OSBPL2: variants seen among roughly 807,000 people sequenced by gnomAD.
OSBPL2 encodes the protein oxysterol-binding protein-related protein 2.
In OSBPL2, 18 loss-of-function variants were observed where a neutral mutation model predicts 58.4. The observed-to-expected ratio is 0.31, with a 90% confidence interval of 0.21 to 0.46. The LOEUF is 0.46. Among genes scored for constraint, OSBPL2 ranks in the 20% least tolerant of loss-of-function variants. The pLI is 1.00. For missense variants in OSBPL2, 461 were observed against 616.5 expected (o/e 0.75, Z 2.67); for synonymous variants, 221 against 234.1 (o/e 0.94, Z 0.51).
chr20:62,248,121 CTCTTT>C (rs1568825234), intron 1 of OSBPL2, among the ~76,000 whole-genome samples: 1 of 149,668 alleles, frequency 6.7e-6, no homozygotes, highest in African/African-American at 2.5e-5. Flanking sequence ...TATATTTTCT[CTCTTT>C]TCTTTTTTTT....
Position 62,288,522 on chromosome 20 carries a change from G to A in OSBPL2, c.1126-685G>A, listed in dbSNP as rs1382637193. Among the ~76,000 whole-genome samples the A allele has an allele frequency of 1.3e-5, 2 of 148,642 alleles. No homozygotes were observed. The highest frequency in any genetic ancestry group is 6.7e-5 in the Admixed American group (1 of 14,978). ...GCTGTGGGTGCAGAGGCCGGAGGCT[G>A]TGGGTGCAGAGGCTGGGAGGCTGTG... On this transcript the variant is annotated intron_variant, in intron 11 of 13. Transcript: ENST00000313733. This position sits in a 1 kb window ranked among gnomAD's most constrained non-coding sequence, Gnocchi z 4.8.
intron 1 of OSBPL2, among the ~76,000 whole-genome samples, chr20:62,245,894 G>A (rs1980070970): frequency 1.3e-5 from 2 of 152,230 alleles, no homozygotes; most frequent in Admixed American, 6.5e-5. Context: ...GAATATTAAG[G>A]CTTGATTTTT....
At chr20:62,244,475 C>T (rs985626210) in intron 1 of OSBPL2, among the ~76,000 whole-genome samples, 1 of 152,216 alleles carries the variant, frequency 6.6e-6, no homozygotes, top group Non-Finnish European at 1.5e-5. Flanking sequence ...GTGGGGCATG[C>T]GCCCTGTCCA....
intron 6 of OSBPL2, among the ~76,000 whole-genome samples, chr20:62,278,001 C>T (rs1325963734): frequency 6.6e-6 from 1 of 152,154 alleles, no homozygotes; most frequent in East Asian, 1.9e-4. Flanking sequence ...CAATGGGAGT[C>T]CCTCGGGGTT....
intron 4 of OSBPL2, among the ~76,000 whole-genome samples, chr20:62,265,549 G>A (rs984339997): frequency 3.9e-5 from 6 of 152,280 alleles, no homozygotes; most frequent in African/African-American, 1.2e-4. Context: ...TCCAGTGCTG[G>A]GTGAGCTCAT....
At chr20:62,263,123 C>G (rs148955239) in intron 3 of OSBPL2, among the ~76,000 whole-genome samples, 1 of 152,336 alleles carries the variant, frequency 6.6e-6, no homozygotes, top group African/African-American at 2.4e-5. Context: ...AGGGCATGGG[C>G]TCCGCCTTGC....
intron 4 of OSBPL2, among the ~76,000 whole-genome samples, chr20:62,270,346 CCTGGCCTCT>C (rs1981977941): frequency 1.5e-5 from 2 of 137,336 alleles, no homozygotes; most frequent in African/African-American, 5.4e-5. Context: ...CCTTGTCCCT[CCTGGCCTCT>C]CTGGGTCCTC....
Position 62,269,354 on chromosome 20 carries a change from G to A in OSBPL2, c.259-2771G>A, listed in dbSNP as rs1013809142. Among the ~76,000 whole-genome samples the A allele has an allele frequency of 2.0e-5, 3 of 152,192 alleles. No individual in the cohort carries two copies. The highest frequency in any genetic ancestry group is 4.4e-5 in the Non-Finnish European group (3 of 68,032). On this transcript the variant is annotated intron_variant, in intron 4 of 13. Transcript: ENST00000313733. The surrounding 1 kb of genome is among the most constrained non-coding windows in gnomAD (Gnocchi z 4.2). ...AAGAGCCCTGCATGTGTGTTTGGCC[G>A]AGGCTCTGTGGGATAGGTTCCTAGA...
intron 1 of OSBPL2, among the ~76,000 whole-genome samples, chr20:62,239,621 C>T (rs771572582): frequency 4.6e-5 from 7 of 152,340 alleles, no homozygotes; most frequent in Middle Eastern, 3.4e-3. Context: ...TCTCGAATGC[C>T]TGCTGTGGGC....
chr20:62,291,593 G>A (rs1036614046), intron 12 of OSBPL2, 110 bp from the exon 13 acceptor site: 2 of 910,922 alleles, frequency 2.2e-6, no homozygotes, highest in African/African-American at 3.2e-5. Context: ...TGTTGTCTGT[G>A]GCATTCCAGC....
intron 6 of OSBPL2, among the ~76,000 whole-genome samples, chr20:62,274,539 G>A (rs1982263766): frequency 6.6e-6 from 1 of 152,254 alleles, no homozygotes; most frequent in Non-Finnish European, 1.5e-5. Flanking sequence ...CTAAGCTGTG[G>A]TTCTGAAGGA....
In OSBPL2 at chr20:62,282,698, A is replaced by T. The variant is rs150392993; in HGVS notation, c.872+819A>T. 7.7e-3 allele frequency among the ~76,000 whole-genome samples: 1,177 copies of T among 152,256 alleles called. 22 individuals are homozygous for T. The highest frequency in any genetic ancestry group is 0.026 in the African/African-American group (1,078 of 41,536). ...GAAAATTAGCCAGGTGTGATGGCGC[A>T]CATCTGTAATCCCAGCTACTCAGGA... is the stretch of plus-strand genomic sequence containing the variant. On this transcript the variant is annotated intron_variant, in intron 9 of 13. Coordinates refer to ENST00000313733, the MANE Select transcript of OSBPL2 (RefSeq NM_144498.4).
At chr20:62,292,360 C>T (rs1983576709) in intron 13 of OSBPL2, among the ~76,000 whole-genome samples, 1 of 152,246 alleles carries the variant, frequency 6.6e-6, no homozygotes, top group Non-Finnish European at 1.5e-5. Flanking sequence ...GGCTGATCTT[C>T]ACCCCATGAC....
intron 1 of OSBPL2, among the ~76,000 whole-genome samples, chr20:62,255,785 G>A (rs1053181674): frequency 1.3e-5 from 2 of 152,220 alleles, no homozygotes; most frequent in South Asian, 2.1e-4. Flanking sequence ...GATTACAGGC[G>A]TGAGCCACCA....
Position 62,281,886 on chromosome 20 carries a change from C to G in OSBPL2, c.872+7C>G. On this transcript the variant is annotated splice_region_variant and intron_variant, in intron 9 of 13. Transcript: ENST00000313733. The stretch of plus-strand genomic sequence containing the variant: ...GACACATTCAAGACAAAAAGTAGGT[C>G]CTTGCCAAGTGTTCATGGGGCACCA... 2 of 1,596,164 alleles carry G rather than the reference C, an allele frequency of 1.3e-6. No homozygotes were observed. The highest frequency in any genetic ancestry group is 1.7e-6 in the Non-Finnish European group (2 of 1,163,984).
Position 62,294,178 on chromosome 20 carries a change from T to C in OSBPL2, c.*291T>C. ...TTATGTGGCAGAAATCAGCTGGGGC[T>C]TGTTTAGCTTCCAGCACACTCTCAG... is the stretch of plus-strand genomic sequence containing the variant. On this transcript the variant is annotated 3_prime_UTR_variant, in exon 14 of 14. Transcript: ENST00000313733. The C allele has an allele frequency of 2.1e-6, 1 of 477,248 alleles. No homozygotes were observed. Among genetic ancestry groups the C allele is most frequent in the Non-Finnish European group, 3.7e-6 (1 of 270,622 alleles). 29.6% of individuals were successfully genotyped at this position (477,248 alleles called of 1,614,324 possible). A position where few individuals can be genotyped will look rare whatever the true frequency, so the allele number is the denominator to read the frequency against.
At chr20:62,245,948 G>A (rs189673221) in intron 1 of OSBPL2, among the ~76,000 whole-genome samples, 25 of 152,364 alleles carry the variant, frequency 1.6e-4, no homozygotes, top group South Asian at 2.1e-4. Context: ...GAGCACAGAC[G>A]GAGCAATCCA....
intron 1 of OSBPL2, among the ~76,000 whole-genome samples, chr20:62,247,395 C>G (rs1434316654): frequency 6.6e-6 from 1 of 152,232 alleles, no homozygotes. Flanking sequence ...TGCCCTGGCA[C>G]CTTGGCTTAT....
intron 1 of OSBPL2, among the ~76,000 whole-genome samples, chr20:62,240,317 GTGAC>G (rs1979641462): frequency 6.6e-6 from 1 of 152,212 alleles, no homozygotes; most frequent in African/African-American, 2.4e-5. Flanking sequence ...GAGTGAGTGA[GTGAC>G]TGAGTCTCCC....
Sources: allele counts gnomAD v4.1 joint callset (sites outside exome capture counted in the v4.1 genomes callset), GRCh38; gene constraint gnomAD v4.1.1; non-coding constraint Gnocchi (gnomAD v3.1); transcripts MANE v1.5; gene names NCBI Gene and HGNC (gene_info 2026-07-23, HGNC 2026-07-21).